The following NDUFV2 variants were observed in gnomAD, a reference collection of about 807,000 sequenced individuals.
The protein encoded by NDUFV2 is NADH:ubiquinone oxidoreductase core subunit V2.
NDUFV2 carries 18 observed loss-of-function variants against 31.6 expected under a neutral mutation model. That is an observed-to-expected ratio of 0.57 (90% confidence interval 0.39 to 0.84). The LOEUF is 0.84. NDUFV2 is among the 40% of genes least tolerant of loss of function. The probability of loss-of-function intolerance (pLI) is 0.00; values close to 1 mark genes in which losing one functional copy is unlikely to be tolerated. For missense variants in NDUFV2, 314 were observed against 303.6 expected (o/e 1.03, Z -0.26); for synonymous variants, 83 against 99.8 (o/e 0.83, Z 1.01).
intron 5 of NDUFV2, among the ~76,000 whole-genome samples, chr18:9,124,597 C>T (rs988902337): frequency 1.3e-5 from 2 of 151,614 alleles, no homozygotes; most frequent in East Asian, 1.9e-4. Context: ...TACAGGTGCC[C>T]GCCACCACAC....
At position 9,119,583 on chromosome 18, in the gene NDUFV2, T is replaced by C. The variant is rs1246765901; in HGVS notation, c.293T>C (p.Met98Thr). The stretch of plus-strand genomic sequence containing the variant: ...AATGGGTGGTTGCCCATCTCTGCTA[T>C]GAACAAGGTACTGGATTCATTTTTG... ...RQNGWLPISA[M>T]NKVAEVLQVP... The change falls in exon 4 of 8, where the codon ATG (methionine) becomes ACG (threonine). Residue 98 changes from methionine (M) to threonine (T), a missense_variant. Physicochemically the swap from Met to Thr is moderately conservative, Grantham distance 81. Transcript: ENST00000318388. 7 of 1,611,094 alleles carry C rather than the reference T, an allele frequency of 4.3e-6. No individual in the cohort carries two copies. The highest frequency in any genetic ancestry group is 5.9e-6 in the Non-Finnish European group (7 of 1,177,408).
intron 7 of NDUFV2, among the ~76,000 whole-genome samples, chr18:9,129,362 CACATT>C (rs1466308098): frequency 6.6e-6 from 1 of 152,168 alleles, no homozygotes; most frequent in Non-Finnish European, 1.5e-5. Context: ...TTTGTTATGT[CACATT>C]ACATTAAATA....
Position 9,111,433 on chromosome 18 carries a change from T to C in NDUFV2, c.55-6405T>C, listed in dbSNP as rs529781374. Among the ~76,000 whole-genome samples the C allele has an allele frequency of 2.0e-5, 3 of 152,218 alleles. No individual in the cohort carries two copies. In the South Asian group the frequency reaches 6.2e-4, roughly 32 times the overall value. The stretch of plus-strand genomic sequence containing the variant: ...AAGCACTTTACATGAAGTACATCTT[T>C]TTTTTTTCCCCCCGAGACAGAGTCT... On this transcript the variant is annotated intron_variant, in intron 1 of 7. Transcript: ENST00000318388.
chr18:9,119,802 G>T (rs951525552), intron 4 of NDUFV2, among the ~76,000 whole-genome samples: 44 of 151,862 alleles, frequency 2.9e-4, no homozygotes, highest in African/African-American at 1.1e-3. Context: ...AATAAGGAAG[G>T]CATTATGGTG....
At chr18:9,127,190 A>C (rs2077998616) in intron 7 of NDUFV2, among the ~76,000 whole-genome samples, 1 of 152,176 alleles carries the variant, frequency 6.6e-6, no homozygotes, top group Non-Finnish European at 1.5e-5. Context: ...TGACCCAAAG[A>C]CCATCTCCCT....
At chr18:9,111,891 A>G (rs987228558) in intron 1 of NDUFV2, among the ~76,000 whole-genome samples, 2 of 151,936 alleles carry the variant, frequency 1.3e-5, no homozygotes, top group African/African-American at 2.4e-5. Flanking sequence ...TAACAGTGAT[A>G]CATCCCACCT....
At chr18:9,111,231 C>T (rs2077868489) in intron 1 of NDUFV2, among the ~76,000 whole-genome samples, 1 of 152,110 alleles carries the variant, frequency 6.6e-6, no homozygotes, top group Non-Finnish European at 1.5e-5. Flanking sequence ...TGTGACCTAA[C>T]CTTGAGAAGT....
At chr18:9,118,001 A>G in intron 2 of NDUFV2, 98 bp downstream of exon 2, 2 of 813,766 alleles carry the variant, frequency 2.5e-6, no homozygotes, top group Non-Finnish European at 4.3e-6. Context: ...ATTGTCTTTG[A>G]TATATGATGG....
intron 1 of NDUFV2, among the ~76,000 whole-genome samples, chr18:9,110,639 C>T (rs1321733894): frequency 3.3e-5 from 5 of 152,146 alleles, no homozygotes; most frequent in Admixed American, 1.3e-4. Context: ...TCTCAAGTGG[C>T]TGGGACTACA....
Position 9,119,601 on chromosome 18 carries a change from C to A in NDUFV2, c.300+11C>A. The A allele has an allele frequency of 1.9e-6, 3 of 1,595,134 alleles. No individual in the cohort carries two copies. The South Asian group carries it at 3.3e-5, about 18-fold the overall frequency. On this transcript the variant is annotated intron_variant, in intron 4 of 7. Coordinates refer to ENST00000318388, the MANE Select transcript of NDUFV2 (RefSeq NM_021074.5). The stretch of plus-strand genomic sequence containing the variant: ...TCTGCTATGAACAAGGTACTGGATT[C>A]ATTTTTGCCTTAGTTCTAAAAGAGA...
chr18:9,104,638 A>G (rs1235054171), intron 1 of NDUFV2, among the ~76,000 whole-genome samples: 1 of 152,098 alleles, frequency 6.6e-6, no homozygotes, highest in Non-Finnish European at 1.5e-5. Context: ...TCCAGGTTTA[A>G]TGTTTCTGGA....
chr18:9,134,189 T>C lies in NDUFV2; in HGVS notation c.660T>C (p.Ser220=). ...AGKIPKPGPR[S]GRFSCEPAGG... is the part of the protein sequence containing the mutation. ...TTAATATTACTTTTCATTTCAGGAG[T>C]GGACGCTTCTCTTGTGAGCCAGCTG... The change falls in exon 8 of 8, where the codon AGT becomes AGC. Residue 220 remains serine, a synonymous_variant. Transcript: ENST00000318388. The C allele has an allele frequency of 6.2e-7, 1 of 1,612,266 alleles. No homozygotes were observed. Among genetic ancestry groups the C allele is most frequent in the Non-Finnish European group, 8.5e-7 (1 of 1,178,634 alleles).
At chr18:9,117,569 C>T (rs936228648) in intron 1 of NDUFV2, 46 of 394,806 alleles carry the variant, frequency 1.2e-4, no homozygotes, top group African/African-American at 7.8e-4. Context: ...CAGAGCGTGG[C>T]AGGAAGGTAC....
intron 1 of NDUFV2, among the ~76,000 whole-genome samples, chr18:9,111,987 A>G (rs150888317): frequency 2.8e-4 from 41 of 148,694 alleles, no homozygotes; most frequent in African/African-American, 1.0e-3. Flanking sequence ...GGTGTTGGTC[A>G]TCTTTTACAC....
At chr18:9,124,447 CTTTTTTT>C (rs534490648) in intron 5 of NDUFV2, among the ~76,000 whole-genome samples, 1 of 113,396 alleles carries the variant, frequency 8.8e-6, no homozygotes. Flanking sequence ...TTTTAAAAAA[CTTTTTTT>C]TTTTTTTTTT....
chr18:9,134,034 G>C, intron 7 of NDUFV2, 152 bp from the exon 8 acceptor site: 1 of 576,470 alleles, frequency 1.7e-6, no homozygotes. Context: ...AGAAAATCTT[G>C]CATCAGTTGA....
At chr18:9,103,904 C>A in intron 1 of NDUFV2, 1 of 430,988 alleles carries the variant, frequency 2.3e-6, no homozygotes, top group Admixed American at 4.0e-5. Context: ...TAAATATCTA[C>A]ATTCCACATC....
chr18:9,110,449 G>A (rs896951791), intron 1 of NDUFV2, among the ~76,000 whole-genome samples: 2 of 151,918 alleles, frequency 1.3e-5, no homozygotes, highest in East Asian at 1.9e-4. Flanking sequence ...GAAAAAAACC[G>A]AGAGCTAAGA....
At chr18:9,117,041 T>A (rs1266986584) in intron 1 of NDUFV2, among the ~76,000 whole-genome samples, 1 of 150,766 alleles carries the variant, frequency 6.6e-6, no homozygotes, top group African/African-American at 2.4e-5. Flanking sequence ...GAAACTACTT[T>A]TTTTTTTTTT....
Sources: gnomAD v4.1 joint callset for allele counts (sites outside exome capture counted in the v4.1 genomes callset) on GRCh38, gnomAD v4.1.1 for gene constraint, MANE v1.5 for transcripts, NCBI Gene and HGNC (gene_info 2026-07-23, HGNC 2026-07-21) for gene names.